Variants in GCSAML observed in about 807,000 individuals in gnomAD.
GCSAML encodes germinal center-associated signaling and motility-like protein.
GCSAML carries 9 observed loss-of-function variants against 13.0 expected under a neutral mutation model. The observed-to-expected ratio is 0.69, with a 90% CI of 0.42 to 1.21. The LOEUF is 1.21. GCSAML is among the 50% of genes most tolerant of loss of function. GCSAML has a pLI of 0.00. For synonymous variants in GCSAML, 37 were observed against 52.9 expected (o/e 0.70, Z 1.31); for missense variants, 143 against 153.4 (o/e 0.93, Z 0.36).
At chr1:247,513,286 TC>T (rs1000486732) in intron 1 of GCSAML, among the ~76,000 whole-genome samples, 2 of 152,156 alleles carry the variant, frequency 1.3e-5, no homozygotes, top group African/African-American at 4.8e-5. Flanking sequence ...AGTTCAAATT[TC>T]CCGGTGGCTT....
At chr1:247,550,570 G>C (rs1667738453) in intron 1 of GCSAML, among the ~76,000 whole-genome samples, 1 of 152,068 alleles carries the variant, frequency 6.6e-6, no homozygotes, top group African/African-American at 2.4e-5. Context: ...CCGGGAGGCG[G>C]AGCTTGCAGT....
chr1:247,547,435 A>T (rs537205585), upstream of GCSAML, among the ~76,000 whole-genome samples: 1 of 152,334 alleles, frequency 6.6e-6, no homozygotes, highest in African/African-American at 2.4e-5. Context: ...GAAAAGATGG[A>T]AACCTTTCGT....
chr1:247,531,713 T>C, intron 2 of GCSAML: 1 of 1,614,040 alleles, frequency 6.2e-7, no homozygotes, highest in Non-Finnish European at 8.5e-7. Context: ...TCATGGGAGG[T>C]GCTCTTGGCT....
chr1:247,540,922 G>A (rs1393829793), intron 2 of GCSAML, among the ~76,000 whole-genome samples: 2 of 152,172 alleles, frequency 1.3e-5, no homozygotes, highest in African/African-American at 4.8e-5. Context: ...AAGTTGTAAT[G>A]TCTTGCATAT....
intron 2 of GCSAML, among the ~76,000 whole-genome samples, chr1:247,537,495 G>T (rs950378597): frequency 1.2e-4 from 19 of 152,250 alleles, no homozygotes; most frequent in African/African-American, 4.6e-4. Flanking sequence ...TGATTCTACT[G>T]GGTATACCTG....
chr1:247,555,152 CT>C (rs55674945), intron 1 of GCSAML, among the ~76,000 whole-genome samples: 33,703 of 152,034 alleles, frequency 0.22, 7,155 homozygotes, highest in African/African-American at 0.56. Context: ...ATGTTAAATA[CT>C]TTTCCTGTCT....
chr1:247,564,955 G>A (rs1668281776), intron 3 of GCSAML, among the ~76,000 whole-genome samples: 2 of 152,150 alleles, frequency 1.3e-5, no homozygotes, highest in South Asian at 4.1e-4. Context: ...ACATAGGAAT[G>A]AGCAAATATT....
intron 2 of GCSAML, chr1:247,530,724 C>G (rs1666899069): frequency 6.5e-6 from 1 of 153,030 alleles, no homozygotes; most frequent in Admixed American, 6.6e-5. Flanking sequence ...ATGAAAATGT[C>G]TTGGAAATAC....
At chr1:247,547,553 A>C (rs191006788), upstream of GCSAML, among the ~76,000 whole-genome samples, 1 of 152,360 alleles carries the variant, frequency 6.6e-6, no homozygotes, top group East Asian at 1.9e-4. Flanking sequence ...AGAGAAACAA[A>C]GATTTATTTC....
At chr1:247,531,450 A>G (rs1279240617) in intron 2 of GCSAML, 1 of 1,233,156 alleles carries the variant, frequency 8.1e-7, no homozygotes, top group African/African-American at 1.5e-5. Context: ...TTGAGCTCAA[A>G]CAATATTAGA....
chr1:247,511,332 G>A (rs112498392), intron 1 of GCSAML, among the ~76,000 whole-genome samples: 24,912 of 152,020 alleles, frequency 0.16, 2,700 homozygotes, highest in East Asian at 0.46. Context: ...GATCAGGATT[G>A]CAACCTCTGC....
intron 2 of GCSAML, among the ~76,000 whole-genome samples, chr1:247,558,087 C>T (rs942548581): frequency 2.6e-5 from 4 of 152,114 alleles, no homozygotes; most frequent in East Asian, 1.9e-4. Context: ...AATTAAATGT[C>T]GTTAGGGTTT....
intron 4 of GCSAML, among the ~76,000 whole-genome samples, chr1:247,573,307 G>T (rs1217519860): frequency 1.3e-5 from 2 of 152,192 alleles, no homozygotes; most frequent in African/African-American, 4.8e-5. Context: ...GAAACCCAGG[G>T]CCCTTGTGGT....
intron 2 of GCSAML, chr1:247,530,526 C>CCCG (rs1553302928): frequency 2.7e-5 from 4 of 149,540 alleles, no homozygotes; most frequent in Non-Finnish European, 6.0e-5. Context: ...ATCCCCCCCC[C>CCCG]ACAAAATAAC....
intron 2 of GCSAML, among the ~76,000 whole-genome samples, chr1:247,543,812 CAG>C (rs1667483826): frequency 6.6e-6 from 1 of 150,776 alleles, no homozygotes; most frequent in African/African-American, 2.4e-5. Context: ...TTTTTAGAGA[CAG>C]AGTCTCACTC....
rs570604798 is a variant in GCSAML at position 247,575,053 on chromosome 1, A to G, written c.*671A>G. The G allele has an allele frequency of 2.0e-5, 3 of 152,460 alleles. No individual in the cohort carries two copies. The highest frequency in any genetic ancestry group is 3.9e-4 in the East Asian group (2 of 5,188). The allele number at this position is 152,460 out of a possible 1,614,324, so 9.4% of individuals were successfully genotyped here. A position where few individuals can be genotyped will look rare whatever the true frequency, so the allele number is the denominator to read the frequency against. On this transcript the variant is annotated 3_prime_UTR_variant, in exon 5 of 5. Coordinates refer to ENST00000366488, the MANE Select transcript of GCSAML (RefSeq NM_145278.5). ...AGACAAAGCTTAACTCTTTCAACCA[A>G]TTGCCAATCAGACAAACTTTGAATC...
chr1:247,519,756 T>G (rs2103309438), intron 1 of GCSAML, among the ~76,000 whole-genome samples: 1 of 152,268 alleles, frequency 6.6e-6, no homozygotes, highest in Non-Finnish European at 1.5e-5. Flanking sequence ...CTTTAGAGAG[T>G]TTCTGTTGGA....
chr1:247,517,841 A>G (rs1304148234), intron 1 of GCSAML, among the ~76,000 whole-genome samples: 1 of 152,152 alleles, frequency 6.6e-6, no homozygotes, highest in Non-Finnish European at 1.5e-5. Flanking sequence ...ACCTCTCTAA[A>G]TAGGCAAATG....
chr1:247,515,992 G>A (rs1004278389), intron 1 of GCSAML, among the ~76,000 whole-genome samples: 3 of 152,168 alleles, frequency 2.0e-5, no homozygotes, highest in Non-Finnish European at 4.4e-5. Context: ...ACCCAGAGAA[G>A]GACCAGAATA....
Sources: allele counts gnomAD v4.1 joint callset (sites outside exome capture counted in the v4.1 genomes callset), GRCh38; gene constraint gnomAD v4.1.1; transcripts MANE v1.5; gene names NCBI Gene and HGNC (gene_info 2026-07-23, HGNC 2026-07-21).